The following ZBTB20 variants were observed in gnomAD, a reference collection of about 807,000 sequenced individuals.
ZBTB20 encodes zinc finger and BTB domain-containing protein 20.
A neutral mutation model predicts 56.9 loss-of-function variants in ZBTB20; 9 were observed. The observed-to-expected ratio is 0.16, with a 90% CI of 0.10 to 0.28. The LOEUF is 0.28. ZBTB20 is among the 10% of genes least tolerant of loss of function. The probability of loss-of-function intolerance (pLI) is 1.00; values close to 1 mark genes in which losing one functional copy is unlikely to be tolerated. For missense variants in ZBTB20, 655 were observed against 1,003.0 expected (o/e 0.65, Z 4.69); for synonymous variants, 417 against 420.7 (o/e 0.99, Z 0.11).
chr3:114,991,573 A>G (rs1263649292), intron 2 of ZBTB20, among the ~76,000 whole-genome samples: 2 of 152,134 alleles, frequency 1.3e-5, no homozygotes, highest in Non-Finnish European at 2.9e-5. Flanking sequence ...AGAAGAATGT[A>G]TATTCTGTTG....
At chr3:114,400,780 C>T (rs1372541380) in intron 7 of ZBTB20, among the ~76,000 whole-genome samples, 2 of 152,036 alleles carry the variant, frequency 1.3e-5, no homozygotes, top group African/African-American at 4.8e-5. Context: ...ATGATTTCAC[C>T]TGGCAGCCCC....
chr3:114,737,948 T>C (rs908098951), intron 5 of ZBTB20, among the ~76,000 whole-genome samples: 48 of 152,108 alleles, frequency 3.2e-4, no homozygotes, highest in African/African-American at 1.1e-3. Context: ...TCCAAAATCA[T>C]CATGAAAAGA....
At chr3:114,779,343 T>C (rs1366516892) in intron 5 of ZBTB20, among the ~76,000 whole-genome samples, 5 of 152,192 alleles carry the variant, frequency 3.3e-5, no homozygotes, top group Admixed American at 2.6e-4. Flanking sequence ...AACATTCCCA[T>C]TTATCACTAT....
chr3:115,098,691 C>A (rs895507874), intron 1 of ZBTB20, among the ~76,000 whole-genome samples: 1 of 152,124 alleles, frequency 6.6e-6, no homozygotes, highest in Non-Finnish European at 1.5e-5. Context: ...AAGTTCATCA[C>A]CTTCCTGAAA....
intron 6 of ZBTB20, among the ~76,000 whole-genome samples, chr3:114,515,167 C>T (rs560936632): frequency 2.6e-5 from 4 of 152,270 alleles, no homozygotes; most frequent in South Asian, 2.1e-4. Flanking sequence ...GGGCTCCTTA[C>T]GGGGACACAT....
At chr3:114,377,442 A>C (rs935948303) in intron 10 of ZBTB20, among the ~76,000 whole-genome samples, 2 of 152,198 alleles carry the variant, frequency 1.3e-5, no homozygotes, top group African/African-American at 2.4e-5. Context: ...CAGGAGGTTA[A>C]ACAGCCAACT....
intron 7 of ZBTB20, among the ~76,000 whole-genome samples, chr3:114,462,162 T>C (rs1258544899): frequency 1.3e-5 from 2 of 152,230 alleles, no homozygotes; most frequent in African/African-American, 4.8e-5. Context: ...ATTGCAAGTA[T>C]CCTAGGACCA....
In ZBTB20 at chr3:114,332,058, GTTTTTTTTTTTT is replaced by G. The variant is rs71146316; in HGVS notation, c.*6935_*6946del. On this transcript the variant is annotated 3_prime_UTR_variant, in exon 12 of 12. Transcript: ENST00000675478. ...ACTAGTAGAAACAGATGCCCCCAAG[GTTTTTTTTTTTT>G]TTTTTTTTTTTTTCTCTCTTGGATG... 1 of 85,414 alleles carries G rather than the reference GTTTTTTTTTTTT, an allele frequency of 1.2e-5. No individual in the cohort carries two copies. Among genetic ancestry groups the G allele is most frequent in the Non-Finnish European group, 2.3e-5 (1 of 44,042 alleles). 5.3% of individuals were successfully genotyped at this position (85,414 alleles called of 1,614,324 possible). A position where few individuals can be genotyped will look rare whatever the true frequency, so the allele number is the denominator to read the frequency against.
At chr3:115,118,280 C>T (rs1374403765) in intron 1 of ZBTB20, among the ~76,000 whole-genome samples, 2 of 152,064 alleles carry the variant, frequency 1.3e-5, no homozygotes, top group African/African-American at 4.8e-5. Flanking sequence ...ACTGCAGACT[C>T]AAACTCCTGT....
chr3:115,069,731 T>A (rs2082337921), intron 2 of ZBTB20, among the ~76,000 whole-genome samples: 1 of 152,006 alleles, frequency 6.6e-6, no homozygotes, highest in Non-Finnish European at 1.5e-5. Context: ...TAAGTATACA[T>A]AAACACTACA....
At chr3:114,674,721 G>C (rs771495157) in intron 6 of ZBTB20, among the ~76,000 whole-genome samples, 1 of 152,118 alleles carries the variant, frequency 6.6e-6, no homozygotes, top group Non-Finnish European at 1.5e-5. Context: ...AGTTGTAACT[G>C]ATTTTCTTTG....
chr3:114,522,055 C>T (rs2046701933), intron 6 of ZBTB20, among the ~76,000 whole-genome samples: 1 of 152,068 alleles, frequency 6.6e-6, no homozygotes, highest in African/African-American at 2.4e-5. Context: ...CGAAAAAAAC[C>T]TCACAATCAT....
rs540480660 is a variant in ZBTB20, at chr3:114,945,253, G to A, written c.-456+29113C>T. Among the ~76,000 whole-genome samples, 18 of 145,254 alleles carry A rather than the reference G, an allele frequency of 1.2e-4. 1 individual carries two copies. The highest frequency in any genetic ancestry group is 2.2e-4 in the Non-Finnish European group (15 of 67,412). ...AACAAAACTGCGGAAATATTTCACC[G>A]AAAGATTCATACTATAAAGAATACT... On this transcript the variant is annotated intron_variant, in intron 3 of 11. Coordinates refer to ENST00000675478, the MANE Select transcript of ZBTB20 (RefSeq NM_001348800.3).
intron 1 of ZBTB20, among the ~76,000 whole-genome samples, chr3:115,106,029 G>A (rs2083712464): frequency 6.6e-6 from 1 of 151,888 alleles, no homozygotes; most frequent in African/African-American, 2.4e-5. Context: ...TGTTGGTCAG[G>A]CTGGTCTCAA....
intron 4 of ZBTB20, among the ~76,000 whole-genome samples, chr3:114,836,644 C>T (rs2074132598): frequency 6.6e-6 from 1 of 152,132 alleles, no homozygotes; most frequent in African/African-American, 2.4e-5. Context: ...GCCTCACCCA[C>T]CACATCTAAT....
At chr3:114,888,394 T>C (rs886964188) in intron 4 of ZBTB20, among the ~76,000 whole-genome samples, 39 of 152,244 alleles carry the variant, frequency 2.6e-4, no homozygotes, top group African/African-American at 9.1e-4. Flanking sequence ...CCAGCCTGGG[T>C]GACAAAGTGA....
chr3:114,624,137 A>G (rs965709024), intron 6 of ZBTB20: 2 of 152,130 alleles, frequency 1.3e-5, no homozygotes, highest in Non-Finnish European at 2.9e-5. Flanking sequence ...TTCCTGATCC[A>G]AGGAGTGACG....
chr3:114,982,822 G>GT (rs201457564), intron 2 of ZBTB20, among the ~76,000 whole-genome samples: 34 of 151,244 alleles, frequency 2.2e-4, no homozygotes, highest in East Asian at 1.4e-3. Context: ...AAAGTCCAAA[G>GT]TTTTTTTTTA....
chr3:114,634,918 T>C (rs1174154695), intron 6 of ZBTB20, among the ~76,000 whole-genome samples: 2 of 152,084 alleles, frequency 1.3e-5, no homozygotes, highest in Non-Finnish European at 2.9e-5. Context: ...CAGGGATGCG[T>C]AGGAGCAAAG....
Sources: gnomAD v4.1 joint callset for allele counts (sites outside exome capture counted in the v4.1 genomes callset) on GRCh38, gnomAD v4.1.1 for gene constraint, MANE v1.5 for transcripts, NCBI Gene and HGNC (gene_info 2026-07-23, HGNC 2026-07-21) for gene names.